Variants in ANO2 observed in about 807,000 individuals in gnomAD.
ANO2 encodes the protein anoctamin 2, also known as anoctamin-2.
Under a neutral mutation model 124.2 loss-of-function variants are expected in ANO2, and 101 were observed. The observed-to-expected ratio is 0.81, with a 90% CI of 0.69 to 0.96. The LOEUF (loss-of-function observed/expected upper bound fraction) is 0.96. Ranked by LOEUF, ANO2 falls within the 40% of genes least tolerant of loss-of-function variation. The pLI, the probability that ANO2 is intolerant of heterozygous loss-of-function variation, is 0.00. For missense variants in ANO2, 1,293 were observed against 1,274.5 expected, an observed-to-expected ratio of 1.01 and a Z score of -0.22; for synonymous variants, 486 against 482.5, an observed-to-expected ratio of 1.01 and a Z score of -0.09.
intron 4 of ANO2, among the ~76,000 whole-genome samples, chr12:5,843,607 C>T (rs1338451434): frequency 6.6e-6 from 1 of 151,998 alleles, no homozygotes; most frequent in Non-Finnish European, 1.5e-5. Flanking sequence ...GAGAATTTCT[C>T]CTGATTTTTC....
chr12:5,830,589 A>C (rs1219204443), intron 5 of ANO2, 100 bp from the exon 6 acceptor site: 2 of 1,059,856 alleles, frequency 1.9e-6, no homozygotes, highest in Admixed American at 4.3e-5. Flanking sequence ...AAAGCAACAT[A>C]GCAAGACTTA....
intron 3 of ANO2, among the ~76,000 whole-genome samples, chr12:5,917,601 T>C (rs1170053388): frequency 6.8e-6 from 1 of 146,244 alleles, no homozygotes; most frequent in Non-Finnish European, 1.5e-5. Context: ...AGGGTCTTGC[T>C]CTGTCACCCA....
chr12:5,933,340 T>C (rs1476573876), intron 1 of ANO2, among the ~76,000 whole-genome samples: 1 of 152,174 alleles, frequency 6.6e-6, no homozygotes, highest in African/African-American at 2.4e-5. Context: ...TCCCCAACCA[T>C]ACAACCACCC....
At chr12:5,816,407 C>G (rs372415750) in intron 7 of ANO2, among the ~76,000 whole-genome samples, 4 of 151,904 alleles carry the variant, frequency 2.6e-5, no homozygotes, top group African/African-American at 4.8e-5. Flanking sequence ...AGAAGTCAAC[C>G]CACTGGAAAT....
At chr12:5,670,274 T>C (rs1343309109) in intron 14 of ANO2, among the ~76,000 whole-genome samples, 1 of 152,222 alleles carries the variant, frequency 6.6e-6, no homozygotes, top group African/African-American at 2.4e-5. Context: ...TATTAAATAG[T>C]TCAGATTCCA....
intron 10 of ANO2, among the ~76,000 whole-genome samples, chr12:5,757,950 C>A (rs2137102386): frequency 6.6e-6 from 1 of 152,270 alleles, no homozygotes; most frequent in African/African-American, 2.4e-5. Context: ...CCCTTATGCA[C>A]AAGGTCATTT....
chr12:5,866,954 A>T (rs1402481835), intron 3 of ANO2, among the ~76,000 whole-genome samples: 1 of 152,216 alleles, frequency 6.6e-6, no homozygotes, highest in Non-Finnish European at 1.5e-5. Flanking sequence ...AGACCAACAA[A>T]TACAAGTGAT....
chr12:5,763,335 G>T lies in ANO2; in HGVS notation c.1056-12365C>A, dbSNP rs187301092. Among the ~76,000 whole-genome samples the T allele has an allele frequency of 1.4e-3, 206 of 152,100 alleles. 1 individual carries two copies. The highest frequency in any genetic ancestry group is 2.4e-3 in the Non-Finnish European group (165 of 67,884). On this transcript the variant is annotated intron_variant, in intron 10 of 24. Coordinates refer to ENST00000682330, the MANE Select transcript of ANO2 (RefSeq NM_001364791.2). ...AATTGTATGAAATTCCTAAAAATAT[G>T]ATATGTCTTCGCATAATGCTATTAG...
intron 16 of ANO2, among the ~76,000 whole-genome samples, chr12:5,634,000 C>A (rs1158735026): frequency 6.6e-6 from 1 of 152,170 alleles, no homozygotes; most frequent in East Asian, 1.9e-4. Context: ...TCCTGAGTCC[C>A]CAGGAGTGTT....
intron 3 of ANO2, among the ~76,000 whole-genome samples, chr12:5,888,417 T>C (rs921060135): frequency 4.6e-5 from 7 of 152,176 alleles, no homozygotes; most frequent in African/African-American, 1.2e-4. Context: ...TTGCCACCGC[T>C]GGCTCCAGCA....
intron 15 of ANO2, among the ~76,000 whole-genome samples, chr12:5,639,358 T>G (rs1946213228): frequency 6.6e-6 from 1 of 152,064 alleles, no homozygotes; most frequent in Admixed American, 6.6e-5. Flanking sequence ...TGTCTTAAGC[T>G]CCTCCTTGTG....
intron 4 of ANO2, among the ~76,000 whole-genome samples, chr12:5,850,503 C>A (rs1445395529): frequency 2.0e-5 from 3 of 151,996 alleles, no homozygotes; most frequent in Non-Finnish European, 4.4e-5. Context: ...TGAGTCGAGT[C>A]TGGGACCAAG....
chr12:5,587,882 C>T (rs1943197781), intron 20 of ANO2, among the ~76,000 whole-genome samples: 1 of 152,154 alleles, frequency 6.6e-6, no homozygotes, highest in Admixed American at 6.5e-5. Context: ...CCCAAGCCTG[C>T]TGGGCCCCAG....
chr12:5,943,328 C>T (rs934462433), intron 1 of ANO2, among the ~76,000 whole-genome samples: 1 of 150,196 alleles, frequency 6.7e-6, no homozygotes, highest in Non-Finnish European at 1.5e-5. Context: ...ACTACTCGGC[C>T]ATGAAAAGAA....
At chr12:5,828,132 C>T (rs1403342004) in intron 6 of ANO2, among the ~76,000 whole-genome samples, 1 of 152,194 alleles carries the variant, frequency 6.6e-6, no homozygotes, top group Non-Finnish European at 1.5e-5. Context: ...GGAGCCCACC[C>T]CAGACCACAT....
chr12:5,732,791 C>A, intron 13 of ANO2, 161 bp from the exon 14 acceptor site: 1 of 1,597,140 alleles, frequency 6.3e-7, no homozygotes, highest in Non-Finnish European at 8.6e-7. Flanking sequence ...CTAGACATCA[C>A]ATCCTAACAT....
At chr12:5,616,628 T>C (rs970837806) in intron 16 of ANO2, among the ~76,000 whole-genome samples, 7 of 151,984 alleles carry the variant, frequency 4.6e-5, no homozygotes, top group African/African-American at 1.7e-4. Context: ...AGCTGAGGAG[T>C]TCTGCGTCCA....
chr12:5,661,887 C>T (rs1222808771), intron 14 of ANO2, among the ~76,000 whole-genome samples: 1 of 152,218 alleles, frequency 6.6e-6, no homozygotes, highest in African/African-American at 2.4e-5. Flanking sequence ...CCTCTGTGAA[C>T]AGATTCTCTG....
intron 10 of ANO2, among the ~76,000 whole-genome samples, chr12:5,753,157 G>A (rs1951487810): frequency 6.6e-6 from 1 of 152,140 alleles, no homozygotes; most frequent in African/African-American, 2.4e-5. Flanking sequence ...TTCCTCCAAA[G>A]ATGAATTTAA....
Sources: gnomAD v4.1 joint callset for allele counts (sites outside exome capture counted in the v4.1 genomes callset) on GRCh38, gnomAD v4.1.1 for gene constraint, MANE v1.5 for transcripts, NCBI Gene and HGNC (gene_info 2026-07-23, HGNC 2026-07-21) for gene names.